Variants in CCDC148 observed in about 807,000 individuals in gnomAD.
The protein encoded by CCDC148 is coiled-coil domain containing 148.
In CCDC148, 89 loss-of-function variants were observed where a neutral mutation model predicts 85.7. The ratio of observed to expected loss-of-function variants is 1.04; its 90% confidence interval spans 0.87 to 1.24. The LOEUF is 1.24. Among genes scored for constraint, CCDC148 ranks in the 50% most tolerant of loss-of-function variants. The probability of loss-of-function intolerance (pLI) is 0.00; values close to 1 mark genes in which losing one functional copy is unlikely to be tolerated. For missense variants in CCDC148, 692 were observed against 671.7 expected, an observed-to-expected ratio of 1.03 and a Z score of -0.33; for synonymous variants, 230 against 213.9, an observed-to-expected ratio of 1.08 and a Z score of -0.66.
chr2:158,237,976 G>A (rs1335774217), intron 10 of CCDC148, among the ~76,000 whole-genome samples: 1 of 152,120 alleles, frequency 6.6e-6, no homozygotes, highest in Non-Finnish European at 1.5e-5. Flanking sequence ...TTCAAGTAAG[G>A]TGAAGACAAA....
intron 1 of CCDC148, among the ~76,000 whole-genome samples, chr2:158,375,213 A>G (rs1684604432): frequency 6.6e-6 from 1 of 152,060 alleles, no homozygotes; most frequent in South Asian, 2.1e-4. Flanking sequence ...ACCACTTCCC[A>G]GAGCCCCTTG....
At chr2:158,358,676 T>C (rs529038566) in intron 1 of CCDC148, 106 bp from the exon 2 acceptor site, 16 of 609,804 alleles carry the variant, frequency 2.6e-5, no homozygotes, top group African/African-American at 3.9e-5. Flanking sequence ...TTTTTAAATA[T>C]TTTTAAGCAA....
intron 9 of CCDC148, among the ~76,000 whole-genome samples, chr2:158,304,683 C>T (rs375671929): frequency 5.9e-5 from 9 of 152,054 alleles, no homozygotes; most frequent in Non-Finnish European, 4.4e-5. Flanking sequence ...TTGTTCTCAC[C>T]GTAACCAGAA....
chr2:158,259,262 A>T (rs1350250509), intron 9 of CCDC148, among the ~76,000 whole-genome samples: 1 of 151,776 alleles, frequency 6.6e-6, no homozygotes, highest in African/African-American at 2.4e-5. Context: ...TTTTTCTTCA[A>T]GGTAATTCTT....
intron 9 of CCDC148, among the ~76,000 whole-genome samples, chr2:158,306,821 G>T (rs1003428541): frequency 8.2e-5 from 11 of 134,886 alleles, no homozygotes; most frequent in South Asian, 2.2e-4. Flanking sequence ...AGAACTTAGA[G>T]TATAATAATA....
At position 158,439,393 on chromosome 2, in the gene CCDC148, G is replaced by A. The variant is rs141453666; in HGVS notation, c.25+17022C>T. Among the ~76,000 whole-genome samples the A allele has an allele frequency of 5.4e-3, 827 of 152,192 alleles. 9 individuals carry two copies. The highest frequency in any genetic ancestry group is 0.019 in the African/African-American group (770 of 41,514). The stretch of plus-strand genomic sequence containing the variant: ...TTGCAGGGACAGGAAACCAAACACC[G>A]CATGTTCTCACTCATATGTGGGAAT... On this transcript the variant is annotated intron_variant, in intron 1 of 13. Coordinates refer to ENST00000283233, the MANE Select transcript of CCDC148 (RefSeq NM_138803.4).
At chr2:158,280,059 T>C (rs955914821) in intron 9 of CCDC148, among the ~76,000 whole-genome samples, 61 of 151,736 alleles carry the variant, frequency 4.0e-4, no homozygotes, top group Middle Eastern at 3.2e-3. Context: ...TAAAATCCTT[T>C]ACAGACAAGC....
Position 158,403,433 on chromosome 2 carries a change from C to A in CCDC148, c.26-44863G>T, listed in dbSNP as rs76660049. On this transcript the variant is annotated intron_variant, in intron 1 of 13. Coordinates refer to ENST00000283233, the MANE Select transcript of CCDC148 (RefSeq NM_138803.4). ...AAGGCACAAAAGGTATTCATTTCAA[C>A]CACTGAGGGAAAGTACCTGCAACAC... Among the ~76,000 whole-genome samples, 9 of 152,092 alleles carry A rather than the reference C, an allele frequency of 5.9e-5. No individual in the cohort carries two copies. In the South Asian group the frequency reaches 1.7e-3, roughly 28 times the overall value.
At chr2:158,353,681 C>A (rs1239084185) in intron 2 of CCDC148, among the ~76,000 whole-genome samples, 1 of 152,062 alleles carries the variant, frequency 6.6e-6, no homozygotes, top group Non-Finnish European at 1.5e-5. Context: ...GACAGAAAGT[C>A]AACAAGGACA....
At chr2:158,256,802 TC>T (rs1689030456) in intron 9 of CCDC148, among the ~76,000 whole-genome samples, 1 of 151,740 alleles carries the variant, frequency 6.6e-6, no homozygotes, top group African/African-American at 2.4e-5. Flanking sequence ...AGGAAGGCTT[TC>T]CTAACCCACC....
At chr2:158,174,279 C>T (rs548413110) in intron 13 of CCDC148, among the ~76,000 whole-genome samples, 8 of 152,018 alleles carry the variant, frequency 5.3e-5, no homozygotes, top group Non-Finnish European at 1.0e-4. Flanking sequence ...CAATAAACAG[C>T]GGATGTGGAT....
intron 1 of CCDC148, among the ~76,000 whole-genome samples, chr2:158,363,009 C>G (rs1684034373): frequency 6.6e-6 from 1 of 152,154 alleles, no homozygotes; most frequent in Admixed American, 6.5e-5. Context: ...CACAGAAATA[C>G]AAACTACCAT....
At chr2:158,454,321 T>G (rs1157707382) in intron 1 of CCDC148, among the ~76,000 whole-genome samples, 1 of 152,200 alleles carries the variant, frequency 6.6e-6, no homozygotes, top group African/African-American at 2.4e-5. Context: ...AGGAAAAATC[T>G]TTGGAGGAGA....
At chr2:158,288,780 G>C (rs1439020085) in intron 9 of CCDC148, 2 of 402,858 alleles carry the variant, frequency 5.0e-6, no homozygotes, top group Non-Finnish European at 9.7e-6. Context: ...TCACTCTACT[G>C]GTACCAATTT....
chr2:158,308,993 C>T (rs529507499), intron 9 of CCDC148, among the ~76,000 whole-genome samples: 5 of 152,280 alleles, frequency 3.3e-5, no homozygotes, highest in Admixed American at 1.3e-4. Flanking sequence ...CACACACAGC[C>T]CAGCAAGCTT....
intron 10 of CCDC148, among the ~76,000 whole-genome samples, chr2:158,240,452 TCACACACACACACACACACA>T (rs4028276): frequency 3.3e-5 from 4 of 120,468 alleles, no homozygotes; most frequent in Admixed American, 2.7e-4. Context: ...TCTCTCTCTC[TCACACACACACACACACACA>T]CACACACACA....
At chr2:158,187,895 C>T (rs935485867) in intron 11 of CCDC148, among the ~76,000 whole-genome samples, 1 of 151,936 alleles carries the variant, frequency 6.6e-6, no homozygotes, top group South Asian at 2.1e-4. Context: ...TCAGGATTAC[C>T]CTCAAACAAA....
intron 11 of CCDC148, among the ~76,000 whole-genome samples, chr2:158,193,011 A>T (rs1685494932): frequency 6.6e-6 from 1 of 152,066 alleles, no homozygotes; most frequent in South Asian, 2.1e-4. Context: ...AATCTTTATT[A>T]TCCTTTCCCA....
At chr2:158,283,683 G>A (rs1304773018) in intron 9 of CCDC148, among the ~76,000 whole-genome samples, 1 of 151,904 alleles carries the variant, frequency 6.6e-6, no homozygotes, top group African/African-American at 2.4e-5. Context: ...TGGTGGGACT[G>A]TAAACTAGTT....
Sources: allele counts gnomAD v4.1 joint callset (sites outside exome capture counted in the v4.1 genomes callset), GRCh38; gene constraint gnomAD v4.1.1; transcripts MANE v1.5; gene names NCBI Gene and HGNC (gene_info 2026-07-23, HGNC 2026-07-21).